Variants in CFAP299 observed in about 807,000 individuals in gnomAD.
CFAP299 encodes the protein cilia- and flagella-associated protein 299.
Under a neutral mutation model 27.0 loss-of-function variants are expected in CFAP299, and 21 were observed. The ratio of observed to expected loss-of-function variants is 0.78; its 90% CI spans 0.55 to 1.12. The LOEUF is 1.12. Among genes scored for constraint, CFAP299 ranks in the 50% most tolerant of loss-of-function variants. The pLI is 0.00. For missense variants in CFAP299, 310 were observed against 276.6 expected, an observed-to-expected ratio of 1.12 and a Z score of -0.86; for synonymous variants, 104 against 98.1, an observed-to-expected ratio of 1.06 and a Z score of -0.36.
intron 3 of CFAP299, among the ~76,000 whole-genome samples, chr4:80,743,779 C>A (rs1269348343): frequency 6.6e-6 from 1 of 152,114 alleles, no homozygotes; most frequent in Admixed American, 6.6e-5. Context: ...CACATGTATA[C>A]CTGTGTAACA....
intron 3 of CFAP299, among the ~76,000 whole-genome samples, chr4:80,863,495 G>T (rs1732508977): frequency 1.3e-5 from 2 of 152,028 alleles, no homozygotes; most frequent in South Asian, 2.1e-4. Context: ...AACTAACATT[G>T]GTTCACTTTT....
At chr4:80,754,643 C>T (rs1395260686) in intron 3 of CFAP299, among the ~76,000 whole-genome samples, 1 of 151,712 alleles carries the variant, frequency 6.6e-6, no homozygotes, top group Non-Finnish European at 1.5e-5. Context: ...GTCTTTTTTG[C>T]AAGAAGAGCT....
intron 3 of CFAP299, among the ~76,000 whole-genome samples, chr4:80,842,612 C>G (rs1287300903): frequency 6.6e-6 from 1 of 152,090 alleles, no homozygotes; most frequent in African/African-American, 2.4e-5. Context: ...ATGTTATATT[C>G]TAATAACAAT....
chr4:80,802,986 G>C (rs1171193410), intron 3 of CFAP299, among the ~76,000 whole-genome samples: 1 of 151,898 alleles, frequency 6.6e-6, no homozygotes, highest in Non-Finnish European at 1.5e-5. Context: ...TCAAAAGTAG[G>C]GTTAAACATC....
intron 3 of CFAP299, among the ~76,000 whole-genome samples, chr4:80,840,506 AT>A (rs972496293): frequency 6.6e-5 from 10 of 152,040 alleles, no homozygotes; most frequent in Non-Finnish European, 1.5e-4. Context: ...CACATTTATT[AT>A]TTTTTTATCT....
intron 3 of CFAP299, among the ~76,000 whole-genome samples, chr4:80,752,815 C>G (rs1578091241): frequency 6.6e-6 from 1 of 152,022 alleles, no homozygotes; most frequent in South Asian, 2.1e-4. Flanking sequence ...ATTGATTACA[C>G]TAGGTTTTAA....
intron 3 of CFAP299, among the ~76,000 whole-genome samples, chr4:80,695,674 C>CTTTT (rs5859732): frequency 3.7e-5 from 5 of 136,928 alleles, no homozygotes; most frequent in Non-Finnish European, 7.8e-5. Context: ...CCTTATCATC[C>CTTTT]TTTTTTTTTT....
At chr4:80,412,618 T>A (rs1020455320) in intron 2 of CFAP299, among the ~76,000 whole-genome samples, 4 of 152,162 alleles carry the variant, frequency 2.6e-5, no homozygotes, top group African/African-American at 9.7e-5. Flanking sequence ...CTGGGAGACA[T>A]GGGCATAGAC....
chr4:80,730,002 G>C (rs927118877), intron 3 of CFAP299, among the ~76,000 whole-genome samples: 2 of 152,132 alleles, frequency 1.3e-5, no homozygotes, highest in African/African-American at 4.8e-5. Flanking sequence ...AAATTTAGAG[G>C]TGTCTCTCTA....
intron 3 of CFAP299, among the ~76,000 whole-genome samples, chr4:80,635,341 G>C (rs1739423857): frequency 6.6e-6 from 1 of 152,028 alleles, no homozygotes; most frequent in African/African-American, 2.4e-5. Flanking sequence ...ACAGAATACT[G>C]AATCTGTAAC....
At chr4:80,692,982 C>T (rs1196207253) in intron 3 of CFAP299, among the ~76,000 whole-genome samples, 1 of 152,230 alleles carries the variant, frequency 6.6e-6, no homozygotes, top group Non-Finnish European at 1.5e-5. Flanking sequence ...AAATGCAAAT[C>T]AAATCCACAA....
At chr4:80,366,453 C>A (rs1227719304) in intron 2 of CFAP299, among the ~76,000 whole-genome samples, 1 of 152,046 alleles carries the variant, frequency 6.6e-6, no homozygotes, top group Non-Finnish European at 1.5e-5. Flanking sequence ...AAGAAGAAGG[C>A]AAAAATGCTA....
chr4:80,629,321 G>A (rs1450995909), intron 3 of CFAP299, among the ~76,000 whole-genome samples: 1 of 152,106 alleles, frequency 6.6e-6, no homozygotes, highest in Non-Finnish European at 1.5e-5. Flanking sequence ...TTGAGAGTCA[G>A]GGGGGAGAGA....
chr4:80,476,752 A>G (rs919719498), intron 2 of CFAP299, among the ~76,000 whole-genome samples: 2 of 151,904 alleles, frequency 1.3e-5, no homozygotes, highest in South Asian at 2.1e-4. Flanking sequence ...CCATTTGTGC[A>G]TCTCCTTTTC....
At chr4:80,479,043 G>A (rs557778292) in intron 2 of CFAP299, among the ~76,000 whole-genome samples, 1 of 151,830 alleles carries the variant, frequency 6.6e-6, no homozygotes, top group East Asian at 1.9e-4. Flanking sequence ...TATCAAATAG[G>A]TATAAATTGT....
At chr4:80,518,128 G>A (rs1290793119) in intron 2 of CFAP299, among the ~76,000 whole-genome samples, 2 of 152,018 alleles carry the variant, frequency 1.3e-5, no homozygotes, top group East Asian at 1.9e-4. Context: ...AGGATGAGAA[G>A]GCAGAGATTA....
At chr4:80,468,807 C>G (rs1006998622) in intron 2 of CFAP299, among the ~76,000 whole-genome samples, 16 of 138,268 alleles carry the variant, frequency 1.2e-4, no homozygotes, top group Admixed American at 6.9e-4. Context: ...GCACTCCAGC[C>G]TGGGTGACAG....
intron 3 of CFAP299, among the ~76,000 whole-genome samples, chr4:80,613,471 CTTTCATT>C (rs1738106021): frequency 1.3e-5 from 2 of 152,204 alleles, no homozygotes; most frequent in South Asian, 2.1e-4. Flanking sequence ...TACTTTATTT[CTTTCATT>C]ATCTCTTCAG....
intron 4 of CFAP299, among the ~76,000 whole-genome samples, chr4:80,927,530 T>C (rs1003455497): frequency 1.3e-5 from 2 of 152,098 alleles, no homozygotes; most frequent in Non-Finnish European, 2.9e-5. Flanking sequence ...TCCAGAACAG[T>C]GTGGCTGGAT....
Sources: gnomAD v4.1 joint callset for allele counts (sites outside exome capture counted in the v4.1 genomes callset) on GRCh38, gnomAD v4.1.1 for gene constraint, MANE v1.5 for transcripts, NCBI Gene and HGNC (gene_info 2026-07-23, HGNC 2026-07-21) for gene names.